ZBTB49: variants seen among roughly 807,000 people sequenced by gnomAD.
ZBTB49 encodes the protein zinc finger and BTB domain-containing protein 49.
Under a neutral mutation model 57.5 loss-of-function variants are expected in ZBTB49, and 43 were observed. The ratio of observed to expected loss-of-function variants is 0.75; its 90% CI spans 0.59 to 0.97. The LOEUF (loss-of-function observed/expected upper bound fraction) is 0.97, where lower values mean the gene tolerates loss of function less well. ZBTB49 is among the 50% of genes least tolerant of loss of function. The probability of loss-of-function intolerance (pLI) is 0.00; values close to 1 mark genes in which losing one functional copy is unlikely to be tolerated. For synonymous variants in ZBTB49, 369 were observed against 362.1 expected (o/e 1.02, Z -0.22); for missense variants, 938 against 947.7 (o/e 0.99, Z 0.13).
chr4:4,290,689 C>T (rs909501473), intron 1 of ZBTB49, among the ~76,000 whole-genome samples: 3 of 152,246 alleles, frequency 2.0e-5, no homozygotes, highest in Non-Finnish European at 2.9e-5. Flanking sequence ...GAAGCCAGCC[C>T]GGCCCGCCTC....
intron 2 of ZBTB49, among the ~76,000 whole-genome samples, chr4:4,301,689 T>C (rs1720478687): frequency 6.6e-6 from 1 of 152,172 alleles, no homozygotes; most frequent in Non-Finnish European, 1.5e-5. Flanking sequence ...CTTCTTGATT[T>C]GTGGTTTATC....
At chr4:4,315,010 G>GT (rs763219082) in intron 5 of ZBTB49, among the ~76,000 whole-genome samples, 2 of 152,248 alleles carry the variant, frequency 1.3e-5, no homozygotes, top group African/African-American at 2.4e-5. Context: ...ACTGATAGGC[G>GT]TAAGTCTCTG....
At chr4:4,307,036 C>T (rs1317154694) in intron 4 of ZBTB49, among the ~76,000 whole-genome samples, 1 of 152,234 alleles carries the variant, frequency 6.6e-6, no homozygotes, top group East Asian at 1.9e-4. Flanking sequence ...CAGACTCTTC[C>T]AGTTTCTCTT....
At chr4:4,294,041 T>A (rs573094791) in intron 1 of ZBTB49, among the ~76,000 whole-genome samples, 19 of 152,366 alleles carry the variant, frequency 1.2e-4, no homozygotes, top group African/African-American at 4.1e-4. Context: ...ATGTGGATAA[T>A]AGTAGCACCT....
chr4:4,302,014 C>A lies in ZBTB49; in HGVS notation c.178C>A (p.Gln60Lys). ...GAGCCTCTTTCAGAATTCTTCAAGC[C>A]AGAAGAATGATGTTTTTCACTTGGA... ...FRSLFQNSSS[Q>K]KNDVFHLDVK... Residue 60 changes from glutamine to lysine, a missense_variant, in exon 3 of 8, where the codon CAG becomes AAG. Physicochemically the swap from Gln to Lys is moderately conservative, Grantham distance 53. Transcript: ENST00000337872. 6.4e-7 allele frequency: 1 copy of A among 1,570,576 alleles called. No homozygotes were observed. The highest frequency in any genetic ancestry group is 8.7e-7 in the Non-Finnish European group (1 of 1,155,790).
chr4:4,298,048 C>T (rs1049041951), intron 1 of ZBTB49, among the ~76,000 whole-genome samples: 25 of 152,168 alleles, frequency 1.6e-4, no homozygotes, highest in African/African-American at 5.1e-4. Flanking sequence ...GTGATCCTTA[C>T]GGATTATTAC....
Position 4,315,534 on chromosome 4 carries a change from G to C in ZBTB49, c.1377-102G>C. The C allele has an allele frequency of 3.6e-6, 4 of 1,111,454 alleles. No individual in the cohort carries two copies. The South Asian group carries it at 5.9e-5, about 16-fold the overall frequency. 68.8% of individuals were successfully genotyped at this position (1,111,454 alleles called of 1,614,324 possible). On this transcript the variant is annotated intron_variant, in intron 5 of 7. Coordinates refer to ENST00000337872, the MANE Select transcript of ZBTB49 (RefSeq NM_145291.4). ...AGTCCAGTTCACGTTCCTTTCTGCA[G>C]CAGTGTCAGGAGCAGGTATCTCCTC...
At chr4:4,299,872 A>G in intron 1 of ZBTB49, 55 bp from the exon 2 acceptor site, 1 of 1,550,588 alleles carries the variant, frequency 6.4e-7, no homozygotes, top group South Asian at 1.2e-5. Flanking sequence ...AGTCCCATTT[A>G]GTTTCCAGTG....
At position 4,299,974 on chromosome 4, in the gene ZBTB49, A is replaced by G; in HGVS notation, c.29A>G (p.His10Arg). The G allele has an allele frequency of 6.2e-7, 1 of 1,614,190 alleles. No individual in the cohort carries two copies. The highest frequency in any genetic ancestry group is 8.5e-7 in the Non-Finnish European group (1 of 1,180,040). Residue 10 changes from histidine to arginine, a missense_variant, in exon 2 of 8, where the codon CAT (histidine) becomes CGT (arginine). Transcript: ENST00000337872. MDPVATHSCHLLQQLHEQRI... is the reference protein window; with the variant it reads MDPVATHSCRLLQQLHEQRI... ...GACCCTGTTGCTACCCACAGCTGCCATCTGCTCCAGCAACTGCATGAGCAG... is the reference window on the plus strand; with the variant it reads ...GACCCTGTTGCTACCCACAGCTGCCGTCTGCTCCAGCAACTGCATGAGCAG...
intron 4 of ZBTB49, among the ~76,000 whole-genome samples, chr4:4,308,151 C>T (rs548749067): frequency 1.3e-5 from 2 of 152,266 alleles, no homozygotes; most frequent in South Asian, 2.1e-4. Context: ...AATCTGGGCT[C>T]ACTGCAACCT....
Position 4,315,806 on chromosome 4 carries a change from T to C in ZBTB49, c.1460-3T>C, listed in dbSNP as rs1258424790. On this transcript the variant is annotated splice_region_variant and splice_polypyrimidine_tract_variant and intron_variant, in intron 6 of 7. Transcript: ENST00000337872. ...AGCTTAACACCTGTTATGGTCTCTC[T>C]AGGGTTTAGTAACTTCAGTAATTTG... The C allele has an allele frequency of 1.2e-6, 2 of 1,614,086 alleles. No homozygotes were observed. Among genetic ancestry groups the C allele is most frequent in the Non-Finnish European group, 1.7e-6 (2 of 1,180,040 alleles).
In ZBTB49 at chr4:4,291,478, T is replaced by C. The variant is rs533054363; in HGVS notation, c.-20+1126T>C. 1.4e-4 allele frequency among the ~76,000 whole-genome samples: 22 copies of C among 152,316 alleles called. No individual in the cohort carries two copies. The South Asian group carries it at 2.3e-3, about 16-fold the overall frequency. On this transcript the variant is annotated intron_variant, in intron 1 of 7. Transcript: ENST00000337872. ...AGCCTGATCTCCAAATACAATCACA[T>C]TCTGGAGTGCTGGGGGAACAGTTTA... is the stretch of plus-strand genomic sequence containing the variant.
At chr4:4,304,278 T>G (rs1720644691) in intron 3 of ZBTB49, among the ~76,000 whole-genome samples, 1 of 150,100 alleles carries the variant, frequency 6.7e-6, no homozygotes, top group African/African-American at 2.5e-5. Context: ...CAGACTGGAG[T>G]GCAGTGGCAC....
At chr4:4,320,025 C>T (rs1350874482) in intron 7 of ZBTB49, among the ~76,000 whole-genome samples, 1 of 152,246 alleles carries the variant, frequency 6.6e-6, no homozygotes, top group Non-Finnish European at 1.5e-5. Context: ...GACAATGCCA[C>T]TTCACTCCAG....
intron 1 of ZBTB49, among the ~76,000 whole-genome samples, chr4:4,292,744 A>C (rs181088882): frequency 1.3e-5 from 2 of 152,138 alleles, no homozygotes; most frequent in Admixed American, 1.3e-4. Flanking sequence ...AGGTGCGTGA[A>C]CTGTGGGCCC....
At position 4,312,048 on chromosome 4, in the gene ZBTB49, A is replaced by G. The variant is rs540679982; in HGVS notation, c.1303-993A>G. ...TTATTTAAAATGCAATTTGCAAATT[A>G]AAAAAAGCCCCGTGTGTTAGTTGGC... On this transcript the variant is annotated intron_variant, in intron 4 of 7. Transcript: ENST00000337872. Among the ~76,000 whole-genome samples, 74 of 152,330 alleles carry G rather than the reference A, an allele frequency of 4.9e-4. 1 individual carries two copies. The highest frequency in any genetic ancestry group is 1.6e-3 in the African/African-American group (65 of 41,568).
At position 4,299,909 on chromosome 4, in the gene ZBTB49, T is replaced by C; in HGVS notation, c.-19-18T>C. The C allele has an allele frequency of 6.2e-7, 1 of 1,610,060 alleles. No homozygotes were observed. The highest frequency in any genetic ancestry group is 2.2e-5 in the East Asian group (1 of 44,798). On this transcript the variant is annotated intron_variant, in intron 1 of 7. Coordinates refer to ENST00000337872, the MANE Select transcript of ZBTB49 (RefSeq NM_145291.4). ...GGTCCTTAAGAATATCTGTCGTATC[T>C]GTGATTTTTTGCTGTAGGTCACCTG...
intron 7 of ZBTB49, among the ~76,000 whole-genome samples, chr4:4,316,598 T>C (rs1721206285): frequency 6.6e-6 from 1 of 152,192 alleles, no homozygotes; most frequent in South Asian, 2.1e-4. Context: ...TATTGAATCA[T>C]GGGCAAAACT....
At chr4:4,298,782 C>T (rs1720335190) in intron 1 of ZBTB49, among the ~76,000 whole-genome samples, 2 of 152,296 alleles carry the variant, frequency 1.3e-5, no homozygotes, top group South Asian at 4.1e-4. Context: ...TTTCTTCCAA[C>T]TATTTCTCTT....
Sources: allele counts gnomAD v4.1 joint callset (sites outside exome capture counted in the v4.1 genomes callset), GRCh38; gene constraint gnomAD v4.1.1; transcripts MANE v1.5; gene names NCBI Gene and HGNC (gene_info 2026-07-23, HGNC 2026-07-21).